GALNT15: variants seen among roughly 807,000 people sequenced by gnomAD.
GALNT15 encodes UDP-GalNAc transferase T15.
Under a neutral mutation model 66.8 loss-of-function variants are expected in GALNT15, and 67 were observed. The ratio of observed to expected loss-of-function variants is 1.00; its 90% CI spans 0.82 to 1.23. The LOEUF (loss-of-function observed/expected upper bound fraction) is 1.23. Ranked by LOEUF, GALNT15 falls within the 50% of genes most tolerant of loss-of-function variation. The pLI, the probability that GALNT15 is intolerant of heterozygous loss-of-function variation, is 0.00. For missense variants in GALNT15, 827 were observed against 804.3 expected (o/e 1.03, Z -0.34); for synonymous variants, 313 against 311.5 (o/e 1.00, Z -0.05).
the GALNT15 span, among the ~76,000 whole-genome samples, chr3:16,242,144 C>T: frequency 6.6e-6 from 1 of 152,226 alleles, no homozygotes; most frequent in Non-Finnish European, 1.5e-5. The surrounding 1 kb of genome is among the most constrained non-coding windows in gnomAD (Gnocchi z 5.6). Flanking sequence ...CTGGGACTGA[C>T]ATAACATCTC....
Position 16,229,439 on chromosome 3 carries a change from T to C in GALNT15, c.*1939T>C. On this transcript the variant is annotated 3_prime_UTR_variant, in exon 10 of 10. Coordinates refer to ENST00000339732, the MANE Select transcript of GALNT15 (RefSeq NM_054110.5). ...TCTACTGTATTGGCGAGCATGGATA[T>C]AGAACATTTCATCACAGTTCTGTTG... The C allele has an allele frequency of 2.1e-6, 2 of 943,504 alleles. No homozygotes were observed. Among genetic ancestry groups the C allele is most frequent in the Non-Finnish European group, 2.5e-6 (2 of 791,754 alleles). 58.4% of individuals were successfully genotyped at this position (943,504 alleles called of 1,614,324 possible). A position where few individuals can be genotyped will look rare whatever the true frequency, so the allele number is the denominator to read the frequency against.
rs190720097 is a variant in GALNT15, at chr3:16,219,568, A to G, written c.1524+34A>G. ...TGACCCAGGGAAGATGGGGAGGGACAGGGAAGCTTCCCAAGACAAGAACTA... is the reference window on the plus strand; with the variant it reads ...TGACCCAGGGAAGATGGGGAGGGACGGGGAAGCTTCCCAAGACAAGAACTA... On this transcript the variant is annotated intron_variant, in intron 7 of 9. Coordinates refer to ENST00000339732, the MANE Select transcript of GALNT15 (RefSeq NM_054110.5). This position sits in a 1 kb window ranked among gnomAD's most constrained non-coding sequence, Gnocchi z 4.3. The G allele has an allele frequency of 9.3e-6, 15 of 1,609,314 alleles. No individual in the cohort carries two copies. The Admixed American group carries it at 2.5e-4, about 27-fold the overall frequency.
At chr3:16,205,639 A>G (rs2063748612) in intron 3 of GALNT15, among the ~76,000 whole-genome samples, 1 of 152,258 alleles carries the variant, frequency 6.6e-6, no homozygotes, top group Non-Finnish European at 1.5e-5. Flanking sequence ...CGTGAATTCC[A>G]AGAACACCAG....
chr3:16,232,009 T>G (rs2124914229), downstream of GALNT15: 1 of 1,435,318 alleles, frequency 7.0e-7, no homozygotes, highest in East Asian at 2.5e-5. Flanking sequence ...ATCTTTAAAG[T>G]CATAACTTGC....
rs936886899 is a variant in GALNT15, at chr3:16,203,833, T to C, written c.911+3010T>C. ...CCACCTGGCAACGCTCTATGAGCTG[T>C]GGCAGGGAGAGCAGCCTCATTCAGT... is the stretch of plus-strand genomic sequence containing the variant. On this transcript the variant is annotated intron_variant, in intron 3 of 9. Transcript: ENST00000339732. This position sits in a 1 kb window ranked among gnomAD's most constrained non-coding sequence, Gnocchi z 6.2. 2.6e-5 allele frequency among the ~76,000 whole-genome samples: 4 copies of C among 152,114 alleles called. No individual in the cohort carries two copies. Among genetic ancestry groups the C allele is most frequent in the African/African-American group, 4.8e-5 (2 of 41,420 alleles).
chr3:16,206,630 G>A (rs1208423152), intron 3 of GALNT15, among the ~76,000 whole-genome samples: 6 of 134,060 alleles, frequency 4.5e-5, no homozygotes, highest in African/African-American at 8.7e-5. Flanking sequence ...CCGAGATCAC[G>A]CCACTGCCCT....
chr3:16,190,284 C>A (rs1286279803), intron 1 of GALNT15, among the ~76,000 whole-genome samples: 1 of 152,160 alleles, frequency 6.6e-6, no homozygotes, highest in Non-Finnish European at 1.5e-5. Flanking sequence ...CCACTGTTGT[C>A]TGGGAGCTAA....
intron 6 of GALNT15, among the ~76,000 whole-genome samples, chr3:16,217,187 T>A (rs1245543915): frequency 3.3e-5 from 5 of 152,200 alleles, no homozygotes; most frequent in African/African-American, 1.2e-4. Context: ...GAAAGAGTGC[T>A]ATGGAGAATA....
intron 3 of GALNT15, among the ~76,000 whole-genome samples, chr3:16,207,136 T>A (rs912286709): frequency 2.6e-5 from 4 of 152,222 alleles, no homozygotes; most frequent in Admixed American, 2.6e-4. Flanking sequence ...TTATGTCAGT[T>A]ACCTAAAGCC....
Position 16,195,703 on chromosome 3 carries a change from T to TAGATCTC in GALNT15, c.540-57_540-56insAGATCTC. On this transcript the variant is annotated intron_variant, in intron 1 of 9. Coordinates refer to ENST00000339732, the MANE Select transcript of GALNT15 (RefSeq NM_054110.5). This position sits in a 1 kb window ranked among gnomAD's most constrained non-coding sequence, Gnocchi z 4.6. Reference sequence around the variant, plus strand: ...AGCAAAGGAAGCGAGTTAGAGGGTGTGGAGTGTTTCTTGTGGCCTTCTCTT... The same window carrying TAGATCTC: ...AGCAAAGGAAGCGAGTTAGAGGGTGTAGATCTCGGAGTGTTTCTTGTGGCCTTCTCTT... 1.3e-6 allele frequency: 2 copies of TAGATCTC among 1,503,272 alleles called. No homozygotes were observed. Among genetic ancestry groups the TAGATCTC allele is most frequent in the East Asian group, 2.3e-5 (1 of 43,966 alleles). 93.1% of individuals were successfully genotyped at this position (1,503,272 alleles called of 1,614,324 possible). A position where few individuals can be genotyped will look rare whatever the true frequency, so the allele number is the denominator to read the frequency against.
the GALNT15 span, among the ~76,000 whole-genome samples, chr3:16,240,847 C>G: frequency 6.6e-6 from 1 of 152,208 alleles, no homozygotes; most frequent in Admixed American, 6.5e-5. Context: ...CACAGCCTGA[C>G]TACAAGTTCC....
the GALNT15 span, among the ~76,000 whole-genome samples, chr3:16,243,194 A>G: frequency 6.6e-6 from 1 of 152,234 alleles, no homozygotes; most frequent in African/African-American, 2.4e-5. Flanking sequence ...CCAAGGCTTT[A>G]GAGAAGACCC....
chr3:16,216,843 G>A (rs2063884553), intron 6 of GALNT15, among the ~76,000 whole-genome samples: 1 of 152,224 alleles, frequency 6.6e-6, no homozygotes, highest in African/African-American at 2.4e-5. Flanking sequence ...TAGTGCACAT[G>A]CTTGAGCCCA....
intron 9 of GALNT15, among the ~76,000 whole-genome samples, chr3:16,223,448 C>T (rs777342681): frequency 1.3e-5 from 2 of 152,106 alleles, no homozygotes; most frequent in African/African-American, 2.4e-5. Flanking sequence ...GGGGTATTAA[C>T]ATACAAAGAA....
downstream of GALNT15, among the ~76,000 whole-genome samples, chr3:16,235,582 G>T (rs181098493): frequency 1.1e-3 from 163 of 152,282 alleles, no homozygotes; most frequent in African/African-American, 3.7e-3. Context: ...GATCAAGAAG[G>T]TATCTCTAGT....
rs1458349524 is a variant in GALNT15 at position 16,183,773 on chromosome 3, G to C, written c.539+8083G>C. ...AACCTGGCAGAAACCTTTCTACTCT[G>C]GCCAGGCAAGGGGAGGGAGGGAAGA... On this transcript the variant is annotated intron_variant, in intron 1 of 9. Transcript: ENST00000339732. This position sits in a 1 kb window ranked among gnomAD's most constrained non-coding sequence, Gnocchi z 5.2. Among the ~76,000 whole-genome samples the C allele has an allele frequency of 6.6e-6, 1 of 152,194 alleles. No homozygotes were observed. Among genetic ancestry groups the C allele is most frequent in the African/African-American group, 2.4e-5 (1 of 41,426 alleles).
intron 8 of GALNT15, 89 bp from the exon 9 acceptor site, chr3:16,222,526 C>T (rs1305064467): frequency 1.3e-6 from 2 of 1,505,278 alleles, no homozygotes; most frequent in Admixed American, 3.5e-5. Flanking sequence ...CCCTAGACCT[C>T]AGCTCTATAG....
rs17041997 is a variant in GALNT15 at position 16,197,203 on chromosome 3, C to T, written c.706+1277C>T. Among the ~76,000 whole-genome samples the T allele has an allele frequency of 8.8e-3, 1,345 of 152,278 alleles. 24 individuals carry two copies. The highest frequency in any genetic ancestry group is 0.03 in the African/African-American group (1,250 of 41,556). ...GTTACGTCTGTGCCCCTCGGGAGTA[C>T]GGAAAGTGGAGGAGCTGGGCCCCAG... is the stretch of plus-strand genomic sequence containing the variant. On this transcript the variant is annotated intron_variant, in intron 2 of 9. Transcript: ENST00000339732.
At chr3:16,196,063 G>T (rs900295792) in intron 2 of GALNT15, 137 bp downstream of exon 2, 3 of 809,676 alleles carry the variant, frequency 3.7e-6, no homozygotes, top group African/African-American at 1.7e-5. Flanking sequence ...AGGATTAATG[G>T]GCAAGTAACT....
Sources: allele counts gnomAD v4.1 joint callset (sites outside exome capture counted in the v4.1 genomes callset), GRCh38; gene constraint gnomAD v4.1.1; non-coding constraint Gnocchi (gnomAD v3.1); transcripts MANE v1.5; gene names NCBI Gene and HGNC (gene_info 2026-07-23, HGNC 2026-07-21).